Variants in NUP133 observed in about 807,000 individuals in gnomAD.
The protein encoded by NUP133 is nuclear pore complex protein Nup133.
Under a neutral mutation model 146.2 loss-of-function variants are expected in NUP133, and 66 were observed. The ratio of observed to expected loss-of-function variants is 0.45; its 90% CI spans 0.37 to 0.55. The LOEUF (loss-of-function observed/expected upper bound fraction) is 0.55. NUP133 is among the 20% of genes least tolerant of loss of function. NUP133 has a pLI of 0.00. For missense variants in NUP133, 1,277 were observed against 1,374.8 expected, an observed-to-expected ratio of 0.93 and a Z score of 1.12; for synonymous variants, 521 against 498.8, an observed-to-expected ratio of 1.04 and a Z score of -0.59.
intron 12 of NUP133, among the ~76,000 whole-genome samples, chr1:229,479,685 A>G (rs537751190): frequency 6.6e-6 from 1 of 152,008 alleles, no homozygotes; most frequent in African/African-American, 2.4e-5. Context: ...ATACGTTGAA[A>G]CTCAAGTGCC....
chr1:229,474,069 T>A (rs1242655159), intron 14 of NUP133, among the ~76,000 whole-genome samples: 2 of 152,252 alleles, frequency 1.3e-5, no homozygotes, highest in African/African-American at 4.8e-5. Context: ...AGCTTCTATG[T>A]TCATCTGTTA....
chr1:229,505,936 A>G, intron 2 of NUP133, 104 bp downstream of exon 2: 1 of 674,218 alleles, frequency 1.5e-6, no homozygotes, highest in Admixed American at 2.4e-5. Context: ...ATCTCTCACC[A>G]TTTACGTAAA....
chr1:229,506,046 C>T lies in NUP133; in HGVS notation c.295G>A (p.Ala99Thr). 1.3e-6 allele frequency: 2 copies of T among 1,585,156 alleles called. No homozygotes were observed. The highest frequency in any genetic ancestry group is 8.7e-7 in the Non-Finnish European group (1 of 1,154,016). Reference sequence around the variant, plus strand: ...ATGGAAAGATGACACCTACCTTCAGCCAATGTTAGGGCTTCCATGACTTTA... The same window carrying T: ...ATGGAAAGATGACACCTACCTTCAGTCAATGTTAGGGCTTCCATGACTTTA... ...PVKVMEALTLAEVDDQLTINI... is the reference protein window; with the variant it reads ...PVKVMEALTLTEVDDQLTINI... Residue 99 changes from alanine to threonine, a missense_variant, in exon 2 of 26, where the codon GCT (alanine) becomes ACT (threonine). This residue lies in a region of NUP133 where 319 missense variants were observed against 306.9 expected (regional missense o/e 1.04). Transcript: ENST00000261396.
chr1:229,475,520 G>T (rs769931401), intron 14 of NUP133, 118 bp downstream of exon 14: 7 of 669,426 alleles, frequency 1.0e-5, no homozygotes, highest in African/African-American at 1.8e-5. Flanking sequence ...AGAGACAATG[G>T]AAAACACCAG....
intron 15 of NUP133, among the ~76,000 whole-genome samples, chr1:229,470,202 G>A (rs1660922086): frequency 6.6e-6 from 1 of 151,754 alleles, no homozygotes; most frequent in African/African-American, 2.4e-5. Flanking sequence ...AGCCGGGGTG[G>A]TGGCTAGCAC....
intron 11 of NUP133, among the ~76,000 whole-genome samples, chr1:229,484,391 T>C (rs1661295826): frequency 6.6e-6 from 1 of 152,150 alleles, no homozygotes; most frequent in African/African-American, 2.4e-5. Flanking sequence ...AAAATTTATG[T>C]TTCAAGCAAG....
intron 4 of NUP133, 98 bp downstream of exon 4, chr1:229,500,658 T>A: frequency 2.9e-6 from 2 of 688,734 alleles, no homozygotes; most frequent in Non-Finnish European, 2.4e-6. Context: ...TTTCTATAGG[T>A]TTATAGTTAT....
At chr1:229,452,873 C>T (rs992681296) in intron 21 of NUP133, among the ~76,000 whole-genome samples, 4 of 152,032 alleles carry the variant, frequency 2.6e-5, no homozygotes, top group South Asian at 2.1e-4. Flanking sequence ...ATCACAGCAA[C>T]GAGAAATAGG....
Position 229,448,819 on chromosome 1 carries a change from G to A in NUP133, c.3245+307C>T, listed in dbSNP as rs555883328. Reference sequence around the variant, plus strand: ...ATTAATCAAACCCAAGGAGGGGGTTGTGGGAACCCCAATTTATAGCTGGTC... The same window carrying A: ...ATTAATCAAACCCAAGGAGGGGGTTATGGGAACCCCAATTTATAGCTGGTC... On this transcript the variant is annotated intron_variant, in intron 24 of 25. Transcript: ENST00000261396. 3.2e-5 allele frequency: 12 copies of A among 374,096 alleles called. No homozygotes were observed. In the East Asian group the frequency reaches 7.5e-4, roughly 24 times the overall value. 23.2% of individuals were successfully genotyped at this position (374,096 alleles called of 1,614,324 possible).
intron 12 of NUP133, among the ~76,000 whole-genome samples, chr1:229,481,005 T>C (rs1558101282): frequency 1.3e-5 from 2 of 151,958 alleles, no homozygotes; most frequent in Non-Finnish European, 2.9e-5. Context: ...CAAATGACAA[T>C]GTTAATGGGG....
intron 25 of NUP133, among the ~76,000 whole-genome samples, chr1:229,443,912 TTTTTTTA>T (rs1278611605): frequency 3.6e-5 from 5 of 137,794 alleles, no homozygotes; most frequent in African/African-American, 1.5e-4. Context: ...TTTTTTTTTT[TTTTTTTA>T]AAATAGGGAC....
In NUP133 at chr1:229,496,040, C is replaced by A; in HGVS notation, c.827G>T (p.Ser276Ile). The A allele has an allele frequency of 6.4e-7, 1 of 1,569,448 alleles. No homozygotes were observed. Among genetic ancestry groups the A allele is most frequent in the Admixed American group, 2.1e-5 (1 of 48,412 alleles). The change falls in exon 7 of 26, where the codon AGT becomes ATT. Residue 276 changes from serine to isoleucine, a missense_variant. Coordinates refer to ENST00000261396, the MANE Select transcript of NUP133 (RefSeq NM_018230.3). ...LSPSSDLTLS[S>I]VLWDRERSSF... is the part of the protein sequence containing the mutation. ...TGATCTCTCTCTATCCCAGAGAACA[C>A]TTGAAAGCTATTCAGAAAAGAAAAG...
At chr1:229,474,972 G>T (rs1251039117) in intron 14 of NUP133, among the ~76,000 whole-genome samples, 1 of 152,064 alleles carries the variant, frequency 6.6e-6, no homozygotes, top group Non-Finnish European at 1.5e-5. Context: ...GGGCATGGTG[G>T]CACAAACCTG....
chr1:229,504,403 G>A (rs963310255), intron 2 of NUP133, among the ~76,000 whole-genome samples: 2 of 152,162 alleles, frequency 1.3e-5, no homozygotes, highest in Non-Finnish European at 2.9e-5. Flanking sequence ...GACTTCAGCA[G>A]ATATTAAGGC....
At chr1:229,506,823 A>AG (rs1199091763) in intron 1 of NUP133, among the ~76,000 whole-genome samples, 2 of 149,054 alleles carry the variant, frequency 1.3e-5, no homozygotes, top group East Asian at 3.9e-4. Context: ...TGTCTCTTTA[A>AG]AAAAAAAAAA....
intron 19 of NUP133, 68 bp from the exon 20 acceptor site, chr1:229,460,837 T>A (rs1660676831): frequency 2.1e-6 from 3 of 1,413,666 alleles, no homozygotes; most frequent in Non-Finnish European, 1.9e-6. Context: ...TAACAAAACA[T>A]AACTTTGTTC....
rs371972960 is a variant in NUP133 at position 229,449,174 on chromosome 1, A to G, written c.3197T>C (p.Ile1066Thr). 6 of 1,609,422 alleles carry G rather than the reference A, an allele frequency of 3.7e-6. No homozygotes were observed. The African/African-American group carries it at 8.0e-5, about 22-fold the overall frequency. The change falls in exon 24 of 26, where the codon ATA becomes ACA. Residue 1066 changes from isoleucine to threonine, a missense_variant. This residue lies in a region of NUP133 where 952 missense variants were observed against 1,047.0 expected (regional missense o/e 0.91). Transcript: ENST00000261396. ...AAGGATTTCCAGTTTTAGATCATTT[A>G]TATTTATATCTTCTTCCTTCACAGC... Reference protein sequence around the residue: ...EYIDEEEDININDLKLEILCK... With the variant: ...EYIDEEEDINTNDLKLEILCK...
chr1:229,450,116 A>C (rs1325105170), intron 23 of NUP133, among the ~76,000 whole-genome samples: 1 of 149,344 alleles, frequency 6.7e-6, no homozygotes, highest in Non-Finnish European at 1.5e-5. Context: ...GGCTGGCCTC[A>C]AACTCCCAAC....
At chr1:229,467,078 A>C (rs1361397430) in intron 15 of NUP133, among the ~76,000 whole-genome samples, 2 of 152,202 alleles carry the variant, frequency 1.3e-5, no homozygotes, top group African/African-American at 4.8e-5. Context: ...ACATCACTTT[A>C]CAATGTAATA....
Sources: gnomAD v4.1 joint callset for allele counts (sites outside exome capture counted in the v4.1 genomes callset) on GRCh38, gnomAD v4.1.1 for gene constraint, gnomAD v4.1.1 regional missense constraint, MANE v1.5 for transcripts, NCBI Gene and HGNC (gene_info 2026-07-23, HGNC 2026-07-21) for gene names.